Variants in TEP1 observed in about 807,000 individuals in gnomAD.
TEP1 encodes telomerase protein component 1.
In TEP1, 241 loss-of-function variants were observed where a neutral mutation model predicts 306.3. That is an observed-to-expected ratio of 0.79 (90% CI 0.71 to 0.88). The LOEUF (loss-of-function observed/expected upper bound fraction) is 0.88, where lower values mean the gene tolerates loss of function less well. TEP1 is among the 40% of genes least tolerant of loss of function. The probability of loss-of-function intolerance (pLI) is 0.00; values close to 1 mark genes in which losing one functional copy is unlikely to be tolerated. For missense variants in TEP1, 3,051 were observed against 3,276.1 expected (o/e 0.93, Z 1.68); for synonymous variants, 1,289 against 1,305.5 (o/e 0.99, Z 0.27).
intron 51 of TEP1, 116 bp from the exon 52 acceptor site, chr14:20,369,895 CT>C: frequency 1.4e-6 from 1 of 711,006 alleles, no homozygotes; most frequent in Non-Finnish European, 2.3e-6. Context: ...TTAACTACAA[CT>C]TAGATACAAT....
chr14:20,409,484 T>C (rs1879457688), intron 1 of TEP1, among the ~76,000 whole-genome samples: 1 of 152,190 alleles, frequency 6.6e-6, no homozygotes, highest in Non-Finnish European at 1.5e-5. Context: ...CACTTATCCA[T>C]TTCCCCGTTG....
intron 6 of TEP1, 92 bp downstream of exon 6, chr14:20,403,631 C>T (rs1397539204): frequency 1.9e-6 from 3 of 1,596,954 alleles, no homozygotes; most frequent in Non-Finnish European, 2.6e-6. Flanking sequence ...CCCTTTGCTC[C>T]TGGTGTGGGA....
intron 15 of TEP1, 92 bp from the exon 16 acceptor site, chr14:20,389,832 G>T: frequency 6.6e-7 from 1 of 1,512,452 alleles, no homozygotes; most frequent in Non-Finnish European, 8.9e-7. Context: ...GGAGGATTAG[G>T]AGAACTCTGA....
chr14:20,376,419 G>T (rs977279488), intron 41 of TEP1, among the ~76,000 whole-genome samples, 155 bp from the exon 42 acceptor site: 6 of 152,174 alleles, frequency 3.9e-5, no homozygotes, highest in African/African-American at 1.4e-4. Flanking sequence ...CTGTGGAGAG[G>T]CCCTGGGCAA....
Position 20,383,804 on chromosome 14 carries a change from G to T in TEP1, c.3649C>A (p.Arg1217Ser), listed in dbSNP as rs148140542. 9 of 1,610,242 alleles carry T rather than the reference G, an allele frequency of 5.6e-6. No homozygotes were observed. In the Admixed American group the frequency reaches 1.5e-4, roughly 27 times the overall value. The change falls in exon 25 of 55, where the codon CGC (arginine) becomes AGC (serine). Residue 1217 changes from arginine to serine, a missense_variant. Around this residue, in one of 3 missense-constraint regions of TEP1, gnomAD observed 1,507 missense variants for 1,550.5 expected, o/e 0.97. Transcript: ENST00000262715. The part of the protein sequence containing the change: ...DQGLALTLLR[R>S]LCTYLRGQLK... ...TGGCCACGCAGATAGGTACAGAGGC[G>T]TCTGAGCAGAGTGAGGGCAAGACCC...
chr14:20,396,738 A>AT lies in TEP1; in HGVS notation c.1550-9dup. 6.3e-7 allele frequency: 1 copy of AT among 1,594,814 alleles called. No homozygotes were observed. Among genetic ancestry groups the AT allele is most frequent in the Non-Finnish European group, 8.6e-7 (1 of 1,167,148 alleles). ...AGGGAAGCTTCCCATTTTCTGTGGA[A>AT]TGTGGGGCATAGAGTGAGAAAAACA... On this transcript the variant is annotated splice_polypyrimidine_tract_variant and intron_variant, in intron 9 of 54. Transcript: ENST00000262715.
intron 23 of TEP1, 78 bp from the exon 24 acceptor site, chr14:20,384,310 G>C (rs1017615185): frequency 5.0e-6 from 8 of 1,608,084 alleles, no homozygotes; most frequent in African/African-American, 1.3e-5. Flanking sequence ...CAGAGCCCCC[G>C]CCAAGCTACT....
rs754865736 is a variant in TEP1 at position 20,405,514 on chromosome 14, G to T, written c.807C>A (p.Thr269=). 1 of 1,614,166 alleles carries T rather than the reference G, an allele frequency of 6.2e-7. No homozygotes were observed. Among genetic ancestry groups the T allele is most frequent in the Admixed American group, 1.7e-5 (1 of 60,020 alleles). Residue 269 remains threonine (T), a synonymous_variant, in exon 4 of 55, where the codon ACC becomes ACA. Coordinates refer to ENST00000262715, the MANE Select transcript of TEP1 (RefSeq NM_007110.5). ...GACAGATTTCAAAAATGGCAGCCAG[G>T]GTGGGGTCAGATGTATTGTTCATGT... ...EVNMNNTSDP[T]LAAIFEICRE...
chr14:20,369,153 A>G (rs1056993889), intron 53 of TEP1, among the ~76,000 whole-genome samples, 191 bp downstream of exon 53: 10 of 151,922 alleles, frequency 6.6e-5, no homozygotes, highest in African/African-American at 2.2e-4. Flanking sequence ...GACTACAGGC[A>G]CCCGCCACCA....
At position 20,369,071 on chromosome 14, in the gene TEP1, A is replaced by G. The variant is rs188717243; in HGVS notation, c.7657-169T>C. On this transcript the variant is annotated intron_variant, in intron 53 of 54. Coordinates refer to ENST00000262715, the MANE Select transcript of TEP1 (RefSeq NM_007110.5). Reference sequence around the variant, plus strand: ...CGCCCAGGCTGGAGTGCAGTGGCGCAATCTCGGCTCACCGCAAGCTCTGCC... The same window carrying G: ...CGCCCAGGCTGGAGTGCAGTGGCGCGATCTCGGCTCACCGCAAGCTCTGCC... Among the ~76,000 whole-genome samples the G allele has an allele frequency of 3.6e-3, 539 of 151,586 alleles. 2 individuals carry two copies. The highest frequency in any genetic ancestry group is 0.013 in the African/African-American group (524 of 41,272).
At position 20,382,205 on chromosome 14, in the gene TEP1, AC is replaced by A; in HGVS notation, c.4273+18del. ...ACCCTGGCCCTCAGCCTCCCAACCA[AC>A]CCACCCCAAGCACTGACCACTCCGT... On this transcript the variant is annotated intron_variant, in intron 29 of 54. Transcript: ENST00000262715. The A allele has an allele frequency of 1.9e-6, 3 of 1,613,644 alleles. No individual in the cohort carries two copies. Among genetic ancestry groups the A allele is most frequent in the Non-Finnish European group, 2.5e-6 (3 of 1,179,922 alleles).
intron 43 of TEP1, 51 bp from the exon 44 acceptor site, chr14:20,374,587 T>C: frequency 7.1e-7 from 1 of 1,410,138 alleles, no homozygotes; most frequent in Non-Finnish European, 9.8e-7. Flanking sequence ...CCTCCAGCAT[T>C]TTGGTATATC....
In TEP1 at chr14:20,368,298, C is replaced by T. The variant is rs1884592594; in HGVS notation, c.*139G>A. The T allele has an allele frequency of 1.0e-6, 1 of 964,330 alleles. No individual in the cohort carries two copies. Among genetic ancestry groups the T allele is most frequent in the Non-Finnish European group, 1.5e-6 (1 of 678,266 alleles). The allele number at this position is 964,330 out of a possible 1,614,324, so 59.7% of individuals were successfully genotyped here. A position where few individuals can be genotyped will look rare whatever the true frequency, so the allele number is the denominator to read the frequency against. On this transcript the variant is annotated 3_prime_UTR_variant, in exon 55 of 55. Transcript: ENST00000262715. Reference sequence around the variant, plus strand: ...AAATCCACATGAGAACACAGGCAGGCCTACACTTGAGATTTTTTGACACTT... The same window carrying T: ...AAATCCACATGAGAACACAGGCAGGTCTACACTTGAGATTTTTTGACACTT...
chr14:20,381,122 T>C lies in TEP1; in HGVS notation c.4648-77A>G. ...GGACAGTTTAGTCTCAGAACCTGGA[T>C]ACAGAGATAGGATCTGAGCTGGGAC... On this transcript the variant is annotated intron_variant, in intron 32 of 54. Coordinates refer to ENST00000262715, the MANE Select transcript of TEP1 (RefSeq NM_007110.5). The surrounding 1 kb of genome is among the most constrained non-coding windows in gnomAD (Gnocchi z 4.0). 2.3e-6 allele frequency: 3 copies of C among 1,304,138 alleles called. No individual in the cohort carries two copies. Among genetic ancestry groups the C allele is most frequent in the Non-Finnish European group, 3.3e-6 (3 of 900,384 alleles). The allele number at this position is 1,304,138 out of a possible 1,614,324, so 80.8% of individuals were successfully genotyped here. A position where few individuals can be genotyped will look rare whatever the true frequency, so the allele number is the denominator to read the frequency against.
At chr14:20,410,914 C>T (rs753968764) in intron 1 of TEP1, among the ~76,000 whole-genome samples, 23 of 150,932 alleles carry the variant, frequency 1.5e-4, no homozygotes, top group African/African-American at 5.4e-4. Context: ...CTCGACTTCC[C>T]GGGTTCAAGT....
At chr14:20,375,894 C>T (rs1885146240) in intron 42 of TEP1, 26 bp from the exon 43 acceptor site, 2 of 1,573,696 alleles carry the variant, frequency 1.3e-6, no homozygotes, top group South Asian at 2.2e-5. Flanking sequence ...GGAGAGGGAG[C>T]AATCAGGACC....
In TEP1 at chr14:20,405,410, A is replaced by G. The variant is rs1244355258; in HGVS notation, c.870+41T>C. Reference sequence around the variant, plus strand: ...CACACCATAACCACACTCCCAGTCTACCAGCTTCACACCCCCATCCCCTCC... The same window carrying G: ...CACACCATAACCACACTCCCAGTCTGCCAGCTTCACACCCCCATCCCCTCC... On this transcript the variant is annotated intron_variant, in intron 4 of 54. Coordinates refer to ENST00000262715, the MANE Select transcript of TEP1 (RefSeq NM_007110.5). The G allele has an allele frequency of 5.2e-6, 8 of 1,551,856 alleles. No individual in the cohort carries two copies. In the Admixed American group the frequency reaches 1.4e-4, roughly 27 times the overall value.
Position 20,408,460 on chromosome 14 carries a change from A to G in TEP1, c.-21T>C. 6.2e-7 allele frequency: 1 copy of G among 1,603,134 alleles called. No homozygotes were observed. The highest frequency in any genetic ancestry group is 8.5e-7 in the Non-Finnish European group (1 of 1,176,642). ...TCCATGGCTGAAACTCAGCTTGTAT[A>G]TGCCTAGAAGGAGAGAAAGACAGGA... is the stretch of plus-strand genomic sequence containing the variant. On this transcript the variant is annotated 5_prime_UTR_variant, in exon 2 of 55. Coordinates refer to ENST00000262715, the MANE Select transcript of TEP1 (RefSeq NM_007110.5).
rs768627842 is a variant in TEP1, at chr14:20,395,506, C to G, written c.1872G>C (p.Arg624Ser). Reference protein sequence around the residue: ...LSRQQLRMAMRIPVLYEQLKR... With the variant: ...LSRQQLRMAMSIPVLYEQLKR... ...TGAGCTGCTCATACAACACAGGTAT[C>G]CTCATTGCCATCCGAAGCTGCTGAC... Residue 624 changes from arginine to serine, a missense_variant, in exon 12 of 55, where the codon AGG becomes AGC. Arg to Ser is a moderately radical substitution (Grantham distance 110). Coordinates refer to ENST00000262715, the MANE Select transcript of TEP1 (RefSeq NM_007110.5). 5 of 1,613,502 alleles carry G rather than the reference C, an allele frequency of 3.1e-6. No individual in the cohort carries two copies. The African/African-American group carries it at 4.0e-5, about 13-fold the overall frequency.
Sources: allele counts gnomAD v4.1 joint callset (sites outside exome capture counted in the v4.1 genomes callset), GRCh38; gene constraint gnomAD v4.1.1; regional missense constraint gnomAD v4.1.1; non-coding constraint Gnocchi (gnomAD v3.1); transcripts MANE v1.5; gene names NCBI Gene and HGNC (gene_info 2026-07-23, HGNC 2026-07-21).